AMN1: variants seen among roughly 807,000 people sequenced by gnomAD.
AMN1 encodes protein AMN1 homolog.
A neutral mutation model predicts 33.0 loss-of-function variants in AMN1; 20 were observed. That is an observed-to-expected ratio of 0.61 (90% CI 0.43 to 0.88). The LOEUF (loss-of-function observed/expected upper bound fraction) is 0.88, where lower values mean the gene tolerates loss of function less well. AMN1 is among the 40% of genes least tolerant of loss of function. AMN1 has a pLI of 0.00. For synonymous variants in AMN1, 114 were observed against 111.9 expected (o/e 1.02, Z -0.12); for missense variants, 246 against 307.4 (o/e 0.80, Z 1.49).
chr12:31,690,344 T>C (rs1202442834), intron 5 of AMN1, among the ~76,000 whole-genome samples: 3 of 152,248 alleles, frequency 2.0e-5, no homozygotes, highest in Non-Finnish European at 2.9e-5. Flanking sequence ...CTGTTTTCAA[T>C]AGTGGTTGTA....
chr12:31,699,411 A>AAAG (rs1938886292), intron 3 of AMN1, among the ~76,000 whole-genome samples: 1 of 149,250 alleles, frequency 6.7e-6, no homozygotes, highest in African/African-American at 2.5e-5. Context: ...AAAAAAAAAA[A>AAAG]AAAAAAAAAA....
intron 1 of AMN1, among the ~76,000 whole-genome samples, chr12:31,713,702 G>A (rs1007267676): frequency 5.3e-5 from 8 of 152,140 alleles, no homozygotes; most frequent in Admixed American, 4.6e-4. Flanking sequence ...TTAGCTGGGT[G>A]TAGTGGCATT....
intron 1 of AMN1, among the ~76,000 whole-genome samples, chr12:31,716,932 C>A (rs1240337962): frequency 6.6e-6 from 1 of 152,104 alleles, no homozygotes; most frequent in East Asian, 1.9e-4. Context: ...AAGATATTCT[C>A]CTATGTTTTC....
In AMN1 at chr12:31,683,301, G is replaced by A. The variant is rs539825451; in HGVS notation, c.703+5706C>T. 1.5e-4 allele frequency among the ~76,000 whole-genome samples: 23 copies of A among 152,198 alleles called. No individual in the cohort carries two copies. Among genetic ancestry groups the A allele is most frequent in the Non-Finnish European group, 3.2e-4 (22 of 68,038 alleles). ...TATTCTTGCTGCAAATGTTGAAGTT[G>A]ACTGATAATTTTTCTTTACCATAAA... On this transcript the variant is annotated intron_variant, in intron 6 of 6. Coordinates refer to ENST00000281471, the MANE Select transcript of AMN1 (RefSeq NM_001113402.2). This position sits in a 1 kb window ranked among gnomAD's most constrained non-coding sequence, Gnocchi z 4.1.
intron 5 of AMN1, among the ~76,000 whole-genome samples, chr12:31,689,992 G>A (rs1380327294): frequency 6.6e-6 from 1 of 152,114 alleles, no homozygotes; most frequent in East Asian, 1.9e-4. Context: ...TCCTACTTAT[G>A]AGTGAGAACG....
chr12:31,721,994 T>C (rs1939892458), intron 1 of AMN1, among the ~76,000 whole-genome samples: 2 of 152,212 alleles, frequency 1.3e-5, no homozygotes, highest in South Asian at 4.1e-4. Context: ...AAAGATTACA[T>C]GTATCTGACG....
At chr12:31,726,249 C>G (rs1940063734) in intron 1 of AMN1, among the ~76,000 whole-genome samples, 1 of 151,010 alleles carries the variant, frequency 6.6e-6, no homozygotes, top group Admixed American at 6.6e-5. Flanking sequence ...GCAACCTCTG[C>G]CTCCCAGGTT....
chr12:31,688,546 G>A (rs563020049), intron 6 of AMN1, among the ~76,000 whole-genome samples: 85 of 152,238 alleles, frequency 5.6e-4, no homozygotes, highest in African/African-American at 3.4e-4. Flanking sequence ...GGCAGCTAAC[G>A]TCTGTAATCC....
At chr12:31,688,680 G>A (rs1226894285) in intron 6 of AMN1, among the ~76,000 whole-genome samples, 9 of 152,060 alleles carry the variant, frequency 5.9e-5, no homozygotes, top group African/African-American at 1.7e-4. Flanking sequence ...GCATGGTGGC[G>A]TGCACCTGTA....
rs897622264 is a variant in AMN1 at position 31,681,170 on chromosome 12, A to AT, written c.703+7836dup. ...TTTATATGAACTATTTAAAAAATTT[A>AT]TTTTTTTTGATGTGATGACTCAAGG... On this transcript the variant is annotated intron_variant, in intron 6 of 6. Coordinates refer to ENST00000281471, the MANE Select transcript of AMN1 (RefSeq NM_001113402.2). 4.0e-5 allele frequency among the ~76,000 whole-genome samples: 6 copies of AT among 151,826 alleles called. No individual in the cohort carries two copies. The East Asian group carries it at 5.8e-4, about 15-fold the overall frequency.
chr12:31,728,985 A>G lies in AMN1; in HGVS notation c.24T>C (p.Ser8=), dbSNP rs1217243893. 1 of 1,546,238 alleles carries G rather than the reference A, an allele frequency of 6.5e-7. No homozygotes were observed. Among genetic ancestry groups the G allele is most frequent in the Non-Finnish European group, 8.7e-7 (1 of 1,143,600 alleles). MPRPRRV[S]QLLDLCLWCF... ...GGTAGACTCACAGATCCAGGAGCTG[A>G]CTGACCCGCCGTGGGCGAGGCATCG... The change falls in exon 1 of 7, where the codon AGT becomes AGC. Residue 8 remains serine (S), a synonymous_variant. Transcript: ENST00000281471.
At chr12:31,673,756 A>G (rs1772318573) in intron 6 of AMN1, 3 of 324,418 alleles carry the variant, frequency 9.2e-6, no homozygotes, top group Non-Finnish European at 1.8e-5. Context: ...TCCAGCCACT[A>G]GAAGAAAGGA....
At position 31,679,982 on chromosome 12, in the gene AMN1, C is replaced by G. The variant is rs1417323573; in HGVS notation, c.704-7605G>C. Among the ~76,000 whole-genome samples the G allele has an allele frequency of 2.0e-5, 3 of 151,002 alleles. No homozygotes were observed. In the South Asian group the frequency reaches 6.3e-4, roughly 32 times the overall value. On this transcript the variant is annotated intron_variant, in intron 6 of 6. Transcript: ENST00000281471. ...TCTACTAAAAATACAAAAAATTAGC[C>G]GGGTGTGGTGGCACCCGCTTGTGAT...
chr12:31,683,076 C>T lies in AMN1; in HGVS notation c.703+5931G>A, dbSNP rs377480893. Reference sequence around the variant, plus strand: ...CCCCCAGGCTCAAGTGATCCTCATGCGTCAGCCATCAGAGTAGCTGGGATT... The same window carrying T: ...CCCCCAGGCTCAAGTGATCCTCATGTGTCAGCCATCAGAGTAGCTGGGATT... On this transcript the variant is annotated intron_variant, in intron 6 of 6. Coordinates refer to ENST00000281471, the MANE Select transcript of AMN1 (RefSeq NM_001113402.2). This position sits in a 1 kb window ranked among gnomAD's most constrained non-coding sequence, Gnocchi z 4.1. Among the ~76,000 whole-genome samples the T allele has an allele frequency of 1.7e-4, 26 of 151,364 alleles. 1 individual carries two copies. The South Asian group carries it at 5.0e-3, about 29-fold the overall frequency.
intron 1 of AMN1, among the ~76,000 whole-genome samples, chr12:31,721,889 A>C (rs114475447): frequency 1.6e-3 from 249 of 152,268 alleles, no homozygotes; most frequent in African/African-American, 5.4e-3. Context: ...CACCATCCAG[A>C]CTGCTGCCAC....
At chr12:31,722,141 A>ACC (rs1939900470) in intron 1 of AMN1, among the ~76,000 whole-genome samples, 1 of 85,554 alleles carries the variant, frequency 1.2e-5, no homozygotes, top group Non-Finnish European at 2.9e-5. Flanking sequence ...ACACACACAC[A>ACC]CACACACACA....
rs1951321665 is a variant in AMN1 at position 31,673,384 on chromosome 12, T to C, written c.704-1007A>G. On this transcript the variant is annotated intron_variant, in intron 6 of 6. Coordinates refer to ENST00000281471, the MANE Select transcript of AMN1 (RefSeq NM_001113402.2). The stretch of plus-strand genomic sequence containing the variant: ...CCAGAGAGTGTATAGAAATGAAAAG[T>C]TATTATCATTGGGAAAACAAAGGTT... Among the ~76,000 whole-genome samples the C allele has an allele frequency of 3.9e-5, 6 of 152,154 alleles. 1 individual carries two copies. The South Asian group carries it at 1.2e-3, about 32-fold the overall frequency.
intron 6 of AMN1, among the ~76,000 whole-genome samples, chr12:31,681,048 T>C (rs1937987468): frequency 6.6e-6 from 1 of 152,106 alleles, no homozygotes. Flanking sequence ...TTATAGAAGA[T>C]TTAGGGGTAC....
chr12:31,676,736 T>C (rs2139651033), intron 6 of AMN1, among the ~76,000 whole-genome samples: 1 of 151,958 alleles, frequency 6.6e-6, no homozygotes, highest in Admixed American at 6.5e-5. Flanking sequence ...CATTTGTCAC[T>C]ATTCTGTTTT....
Sources: gnomAD v4.1 joint callset for allele counts (sites outside exome capture counted in the v4.1 genomes callset) on GRCh38, gnomAD v4.1.1 for gene constraint, Gnocchi (gnomAD v3.1) non-coding constraint, MANE v1.5 for transcripts, NCBI Gene and HGNC (gene_info 2026-07-23, HGNC 2026-07-21) for gene names.